TRPM2: variants seen among roughly 807,000 people sequenced by gnomAD.
TRPM2 encodes the protein estrogen-responsive element-associated gene 1 protein.
A neutral mutation model predicts 174.0 loss-of-function variants in TRPM2; 161 were observed. The observed-to-expected ratio is 0.93, with a 90% CI of 0.81 to 1.05. The LOEUF is 1.05. Ranked by LOEUF, TRPM2 falls within the 50% of genes least tolerant of loss-of-function variation. The probability of loss-of-function intolerance (pLI) is 0.00; values close to 1 mark genes in which losing one functional copy is unlikely to be tolerated. For missense variants in TRPM2, 2,057 were observed against 2,038.0 expected (o/e 1.01, Z -0.18); for synonymous variants, 954 against 861.3 (o/e 1.11, Z -1.88).
intron 6 of TRPM2, among the ~76,000 whole-genome samples, chr21:44,377,408 G>A (rs1464134922): frequency 6.6e-6 from 1 of 152,192 alleles, no homozygotes; most frequent in Admixed American, 6.5e-5. Flanking sequence ...GCAAGCGAGC[G>A]GGGAAGTGTG....
rs2051397322 is a variant in TRPM2 at position 44,439,225 on chromosome 21, A to T, written c.4269+57A>T. ...GTGTGTCCCCAGGGCTGCAGGACAA[A>T]CACAGTGTGATACTGGGGACCTGCC... On this transcript the variant is annotated intron_variant, in intron 30 of 31. Coordinates refer to ENST00000397928, the MANE Select transcript of TRPM2 (RefSeq NM_003307.4). This position sits in a 1 kb window ranked among gnomAD's most constrained non-coding sequence, Gnocchi z 5.1. 3.3e-6 allele frequency: 5 copies of T among 1,514,252 alleles called. No homozygotes were observed. The highest frequency in any genetic ancestry group is 3.7e-6 in the Non-Finnish European group (4 of 1,094,174). 93.8% of individuals were successfully genotyped at this position (1,514,252 alleles called of 1,614,324 possible). A position where few individuals can be genotyped will look rare whatever the true frequency, so the allele number is the denominator to read the frequency against.
rs934389242 is a variant in TRPM2 at position 44,418,352 on chromosome 21, G to A, written c.3329-71G>A. The A allele has an allele frequency of 4.4e-5, 69 of 1,577,082 alleles. 1 individual carries two copies. Among genetic ancestry groups the A allele is most frequent in the East Asian group, 3.2e-4 (14 of 44,402 alleles). ...TGGCCCCCTCCCACGGGGCCCCCCC[G>A]GTGGGTCAGGGCTTCAGGGCCCACC... On this transcript the variant is annotated intron_variant, in intron 21 of 31. Transcript: ENST00000397928.
chr21:44,404,357 CACAT>C (rs1231026422), intron 16 of TRPM2, among the ~76,000 whole-genome samples: 6 of 146,838 alleles, frequency 4.1e-5, no homozygotes, highest in Non-Finnish European at 6.0e-5. Flanking sequence ...TACATGCAGA[CACAT>C]ACAGAATGCA....
rs921398756 is a variant in TRPM2 at position 44,439,679 on chromosome 21, C to T, written c.4269+511C>T. Among the ~76,000 whole-genome samples, 4 of 152,168 alleles carry T rather than the reference C, an allele frequency of 2.6e-5. No individual in the cohort carries two copies. The highest frequency in any genetic ancestry group is 9.7e-5 in the African/African-American group (4 of 41,450). On this transcript the variant is annotated intron_variant, in intron 30 of 31. Coordinates refer to ENST00000397928, the MANE Select transcript of TRPM2 (RefSeq NM_003307.4). The surrounding 1 kb of genome is among the most constrained non-coding windows in gnomAD (Gnocchi z 5.1). ...GAAACCTCGATCTTTCCTTAGAAAG[C>T]CTCCATCTCCAGCTCTCTCACACAA...
intron 9 of TRPM2, among the ~76,000 whole-genome samples, chr21:44,384,169 G>A (rs1201243786): frequency 6.6e-6 from 1 of 152,194 alleles, no homozygotes; most frequent in Non-Finnish European, 1.5e-5. Flanking sequence ...TGAAAGTAGG[G>A]ACATTACTCC....
Position 44,440,922 on chromosome 21 carries a change from C to T in TRPM2, c.4386+17C>T. The stretch of plus-strand genomic sequence containing the variant: ...CTGAACTCTGTATGTGCCTGGCCTC[C>T]CTGGAGGCGGGAGTGGGGAGGCAGG... On this transcript the variant is annotated intron_variant, in intron 31 of 31. Coordinates refer to ENST00000397928, the MANE Select transcript of TRPM2 (RefSeq NM_003307.4). 6.2e-7 allele frequency: 1 copy of T among 1,611,184 alleles called. No individual in the cohort carries two copies. Among genetic ancestry groups the T allele is most frequent in the Non-Finnish European group, 8.5e-7 (1 of 1,177,938 alleles).
intron 16 of TRPM2, among the ~76,000 whole-genome samples, chr21:44,402,596 C>T (rs1423634868): frequency 1.3e-5 from 2 of 152,226 alleles, no homozygotes; most frequent in African/African-American, 2.4e-5. Context: ...CCCGGGGCCC[C>T]ACCCCAAATC....
In TRPM2 at chr21:44,367,070, C is replaced by A; in HGVS notation, c.604+136C>A. The A allele has an allele frequency of 9.4e-7, 1 of 1,060,252 alleles. No homozygotes were observed. Among genetic ancestry groups the A allele is most frequent in the Non-Finnish European group, 1.3e-6 (1 of 756,936 alleles). 65.7% of individuals were successfully genotyped at this position (1,060,252 alleles called of 1,614,324 possible). On this transcript the variant is annotated intron_variant, in intron 4 of 31. Transcript: ENST00000397928. This position sits in a 1 kb window ranked among gnomAD's most constrained non-coding sequence, Gnocchi z 4.6. ...AGGCTGTGCCCCAGCCTGAGTCGGACCCATGCACCTCTCACCTGGGCACAG... is the reference window on the plus strand; with the variant it reads ...AGGCTGTGCCCCAGCCTGAGTCGGAACCATGCACCTCTCACCTGGGCACAG...
rs1602162340 is a variant in TRPM2, at chr21:44,376,314, G to A, written c.952+301G>A. Among the ~76,000 whole-genome samples the A allele has an allele frequency of 6.6e-6, 1 of 152,238 alleles. No individual in the cohort carries two copies. On this transcript the variant is annotated intron_variant, in intron 6 of 31. Coordinates refer to ENST00000397928, the MANE Select transcript of TRPM2 (RefSeq NM_003307.4). The surrounding 1 kb of genome is among the most constrained non-coding windows in gnomAD (Gnocchi z 4.2). Reference sequence around the variant, plus strand: ...CCGTGTCTCTTTATACTTTGTTCCAGGAGGGTCATCTTCTCTTGCCCATTT... The same window carrying A: ...CCGTGTCTCTTTATACTTTGTTCCAAGAGGGTCATCTTCTCTTGCCCATTT...
rs1304746269 is a variant in TRPM2 at position 44,354,864 on chromosome 21, G to A, written c.254+128G>A. 9 of 793,138 alleles carry A rather than the reference G, an allele frequency of 1.1e-5. No homozygotes were observed. The highest frequency in any genetic ancestry group is 3.4e-5 in the African/African-American group (2 of 58,306). 49.1% of individuals were successfully genotyped at this position (793,138 alleles called of 1,614,324 possible). A position where few individuals can be genotyped will look rare whatever the true frequency, so the allele number is the denominator to read the frequency against. On this transcript the variant is annotated intron_variant, in intron 2 of 31. Transcript: ENST00000397928. The surrounding 1 kb of genome is among the most constrained non-coding windows in gnomAD (Gnocchi z 4.3). ...ACTGGAGATACCTCTGTCTCCATAC[G>A]AGGCTTAGAGTCCACAGAGCATTTC...
At chr21:44,405,835 G>T in intron 17 of TRPM2, 70 bp from the exon 18 acceptor site, 1 of 1,556,432 alleles carries the variant, frequency 6.4e-7, no homozygotes, top group South Asian at 1.2e-5. Context: ...GTGGAGGGGC[G>T]ACGGGGGACA....
At chr21:44,387,385 C>G (rs2146228167) in intron 9 of TRPM2, among the ~76,000 whole-genome samples, 1 of 152,240 alleles carries the variant, frequency 6.6e-6, no homozygotes, top group South Asian at 2.1e-4. Context: ...TTACCTAACA[C>G]CATATACAAA....
chr21:44,395,381 C>G, intron 11 of TRPM2, 33 bp from the exon 12 acceptor site: 1 of 1,608,272 alleles, frequency 6.2e-7, no homozygotes, highest in Middle Eastern at 1.7e-4. Context: ...CCAGGCGGCC[C>G]GGCTGGGGCT....
rs145602698 is a variant in TRPM2 at position 44,435,157 on chromosome 21, G to T, written c.4001G>T (p.Arg1334Leu). Residue 1334 changes from arginine (R) to leucine (L), a missense_variant, in exon 28 of 32, where the codon CGT becomes CTT. Transcript: ENST00000397928. ...PLNPMGRTGL[R>L]GRGSLSCFGP... is the part of the protein sequence containing the mutation. ...AACCCCATGGGCCGCACAGGACTGC[G>T]TGGGCGCGGGAGCCTCAGCTGCTTC... The T allele has an allele frequency of 6.2e-7, 1 of 1,613,436 alleles. No individual in the cohort carries two copies. Among genetic ancestry groups the T allele is most frequent in the Non-Finnish European group, 8.5e-7 (1 of 1,179,574 alleles).
chr21:44,404,224 CACAT>C (rs1378874384), intron 16 of TRPM2, among the ~76,000 whole-genome samples: 3 of 150,324 alleles, frequency 2.0e-5, no homozygotes, highest in African/African-American at 5.0e-5. Flanking sequence ...CACACAGATA[CACAT>C]ACACATGCAC....
intron 4 of TRPM2, 79 bp from the exon 5 acceptor site, chr21:44,369,098 A>T (rs1044598848): frequency 1.7e-5 from 24 of 1,402,470 alleles, no homozygotes; most frequent in Non-Finnish European, 2.3e-5. Context: ...CTGAGCCTAG[A>T]AGGGCTCAGG....
rs745947143 is a variant in TRPM2 at position 44,427,031 on chromosome 21, G to T, written c.3894G>T (p.Thr1298=). The change falls in exon 27 of 32, where the codon ACG becomes ACT. Residue 1298 remains threonine (T), a synonymous_variant. Coordinates refer to ENST00000397928, the MANE Select transcript of TRPM2 (RefSeq NM_003307.4). The part of the protein sequence containing the change: ...PMGDTLEPLS[T]IQYNVVDGLR... The stretch of plus-strand genomic sequence containing the variant: ...CCAGCACCCTGGAGCCACTGTCCAC[G>T]ATCCAGTACAACGTGGTGGATGGCC... 22 of 1,604,808 alleles carry T rather than the reference G, an allele frequency of 1.4e-5. No homozygotes were observed. The highest frequency in any genetic ancestry group is 1.7e-5 in the Non-Finnish European group (20 of 1,176,708).
At position 44,386,894 on chromosome 21, in the gene TRPM2, A is replaced by G. The variant is rs536839660; in HGVS notation, c.1319-4010A>G. ...TCAAAACAGTGTGGTAATGGTGTAA[A>G]GAAAGACATAGAGGGCTGGGTGTGG... On this transcript the variant is annotated intron_variant, in intron 9 of 31. Transcript: ENST00000397928. 5.9e-5 allele frequency among the ~76,000 whole-genome samples: 9 copies of G among 152,326 alleles called. No homozygotes were observed. In the East Asian group the frequency reaches 1.7e-3, roughly 29 times the overall value.
At chr21:44,414,674 T>G (rs896130237) in intron 20 of TRPM2, 1 of 152,446 alleles carries the variant, frequency 6.6e-6, no homozygotes, top group Non-Finnish European at 1.5e-5. Context: ...CGCGCTGGCT[T>G]TAATGCAGTG....
Sources: allele counts gnomAD v4.1 joint callset (sites outside exome capture counted in the v4.1 genomes callset), GRCh38; gene constraint gnomAD v4.1.1; non-coding constraint Gnocchi (gnomAD v3.1); transcripts MANE v1.5; gene names NCBI Gene and HGNC (gene_info 2026-07-23, HGNC 2026-07-21).